Variants in ABR observed in about 807,000 individuals in gnomAD.
The protein encoded by ABR is ABR activator of RhoGEF and GTPase, also known as active breakpoint cluster region-related protein.
ABR carries 35 observed loss-of-function variants against 107.2 expected under a neutral mutation model. The observed-to-expected ratio is 0.33, with a 90% CI of 0.25 to 0.43. The LOEUF (loss-of-function observed/expected upper bound fraction) is 0.43. Among genes scored for constraint, ABR ranks in the 20% least tolerant of loss-of-function variants. ABR has a pLI of 1.00. For synonymous variants in ABR, 498 were observed against 462.0 expected (o/e 1.08, Z -1.00); for missense variants, 815 against 1,115.2 (o/e 0.73, Z 3.83).
At chr17:1,163,220 G>A (rs1042847668) in intron 1 of ABR, among the ~76,000 whole-genome samples, 88 of 152,342 alleles carry the variant, frequency 5.8e-4, no homozygotes, top group Admixed American at 4.6e-4. Flanking sequence ...AACAGTGTAG[G>A]ACACACAGCA....
At chr17:1,090,760 C>T (rs1458389430) in intron 4 of ABR, among the ~76,000 whole-genome samples, 1 of 152,206 alleles carries the variant, frequency 6.6e-6, no homozygotes, top group African/African-American at 2.4e-5. Context: ...TCCAGCCTCT[C>T]ACACCCAGAG....
intron 16 of ABR, among the ~76,000 whole-genome samples, chr17:1,014,382 A>C (rs555510364): frequency 2.1e-5 from 3 of 142,374 alleles, no homozygotes; most frequent in East Asian, 2.2e-4. Flanking sequence ...CAGAGCTTGC[A>C]GTGAGCCGAG....
chr17:1,058,805 C>T lies in ABR; in HGVS notation c.1245G>A (p.Glu415=). 6.2e-7 allele frequency: 1 copy of T among 1,614,078 alleles called. No homozygotes were observed. Among genetic ancestry groups the T allele is most frequent in the Non-Finnish European group, 8.5e-7 (1 of 1,180,020 alleles). ...TGGGGGAGTTGAGCAGCAGCAGGAA[C>T]TCATTCTCAAACATCTTCTTCTTCA... is the stretch of plus-strand genomic sequence containing the variant. The part of the protein sequence containing the change: ...ERLKKKMFEN[E]FLLLLNSPTI... The change falls in exon 11 of 23, where the codon GAG becomes GAA. Residue 415 remains glutamate, a synonymous_variant. Coordinates refer to ENST00000302538, the MANE Select transcript of ABR (RefSeq NM_021962.5).
chr17:1,223,280 TCAAA>T (rs974690041), intron 1 of ABR, among the ~76,000 whole-genome samples: 6 of 145,070 alleles, frequency 4.1e-5, no homozygotes, highest in South Asian at 4.4e-4. Context: ...AGACTCCATC[TCAAA>T]CAAACAAAAA....
intron 16 of ABR, 132 bp from the exon 17 acceptor site, chr17:1,013,296 T>C (rs746412503): frequency 7.3e-5 from 67 of 912,416 alleles, no homozygotes; most frequent in Non-Finnish European, 1.0e-4. Flanking sequence ...GATAAGCTGA[T>C]GTTTACCTGG....
chr17:1,156,599 A>G (rs2041053190), intron 1 of ABR, among the ~76,000 whole-genome samples: 1 of 151,858 alleles, frequency 6.6e-6, no homozygotes, highest in African/African-American at 2.4e-5. Flanking sequence ...CAGGAGAATC[A>G]CCTGAACCCG....
intron 2 of ABR, among the ~76,000 whole-genome samples, chr17:1,116,770 G>A (rs973270359): frequency 2.0e-5 from 3 of 152,212 alleles, no homozygotes; most frequent in East Asian, 1.9e-4. Context: ...GACTTGGGTG[G>A]CAGGGCAGCC....
At chr17:1,228,447 C>CA (rs1254599613) in intron 1 of ABR, 2 of 152,644 alleles carry the variant, frequency 1.3e-5, no homozygotes, top group African/African-American at 4.8e-5. Context: ...AGAAGGGTGA[C>CA]AGCACCCGGT....
intron 18 of ABR, chr17:1,012,238 C>T (rs539993519): frequency 2.9e-6 from 2 of 682,818 alleles, no homozygotes; most frequent in African/African-American, 3.5e-5. Flanking sequence ...GGCCGAGACT[C>T]TAGGGAAAGA....
intron 6 of ABR, among the ~76,000 whole-genome samples, chr17:1,077,343 A>G (rs1437021002): frequency 1.3e-5 from 2 of 152,212 alleles, no homozygotes; most frequent in Admixed American, 6.5e-5. Context: ...CGTGAACTCC[A>G]GGTCCCAGGT....
At chr17:1,171,398 A>C (rs1233785991) in intron 1 of ABR, among the ~76,000 whole-genome samples, 1 of 152,182 alleles carries the variant, frequency 6.6e-6, no homozygotes, top group Non-Finnish European at 1.5e-5. Flanking sequence ...TCCCTGCTCA[A>C]TACCAGGCTT....
intron 1 of ABR, among the ~76,000 whole-genome samples, chr17:1,221,165 G>GT (rs1402426388): frequency 1.3e-5 from 2 of 152,246 alleles, no homozygotes; most frequent in Middle Eastern, 3.4e-3. Flanking sequence ...ATTTTTCCTT[G>GT]TAACAGAGCC....
chr17:1,178,809 A>G (rs2042009557), intron 1 of ABR, among the ~76,000 whole-genome samples: 1 of 142,264 alleles, frequency 7.0e-6, no homozygotes, highest in African/African-American at 2.6e-5. Context: ...AAGGGTGGGG[A>G]GAAGGGGCGG....
Position 1,091,824 on chromosome 17 carries a change from G to A in ABR, c.372C>T (p.Ala124=), listed in dbSNP as rs1012320661. Residue 124 remains alanine, a synonymous_variant, in exon 4 of 23, where the codon GCC becomes GCT. Coordinates refer to ENST00000302538, the MANE Select transcript of ABR (RefSeq NM_021962.5). ...LLPMKPLKAT[A]TTSQPVLTIQ... ...TGGTGAGCACGGGCTGGGAGGTGGT[G>A]GCGGTGGCCTTCAGGGGTTTCATGG... 6 of 1,613,726 alleles carry A rather than the reference G, an allele frequency of 3.7e-6. No homozygotes were observed. In the Admixed American group the frequency reaches 6.7e-5, roughly 18 times the overall value.
chr17:1,011,645 T>G lies in ABR; in HGVS notation c.2101+201A>C. The G allele has an allele frequency of 1.9e-6, 1 of 531,668 alleles. No individual in the cohort carries two copies. Among genetic ancestry groups the G allele is most frequent in the Non-Finnish European group, 3.0e-6 (1 of 337,566 alleles). The allele number at this position is 531,668 out of a possible 1,614,324, so 32.9% of individuals were successfully genotyped here. On this transcript the variant is annotated intron_variant, in intron 19 of 22. Coordinates refer to ENST00000302538, the MANE Select transcript of ABR (RefSeq NM_021962.5). This position sits in a 1 kb window ranked among gnomAD's most constrained non-coding sequence, Gnocchi z 4.8. ...GGGCAAGTGAGTCGGCCCTTGTGAGTTTCTGCAGTTGCTTACCTGCAGCAA... is the reference window on the plus strand; with the variant it reads ...GGGCAAGTGAGTCGGCCCTTGTGAGGTTCTGCAGTTGCTTACCTGCAGCAA...
chr17:1,007,208 A>C lies in ABR; in HGVS notation c.2447T>G (p.Leu816Arg). Residue 816 changes from leucine (L) to arginine (R), a missense_variant, in exon 22 of 23, where the codon CTC (leucine) becomes CGC (arginine). Physicochemically the swap from Leu to Arg is moderately radical, Grantham distance 102. Coordinates refer to ENST00000302538, the MANE Select transcript of ABR (RefSeq NM_021962.5). ...RPSEVESKAH[L>R]TSAADIWSHD... Reference sequence around the variant, plus strand: ...GGACCAGATGTCCGCAGCCGAGGTGAGGTGTGCTTTGCTCTCCACTTCTGA... The same window carrying C: ...GGACCAGATGTCCGCAGCCGAGGTGCGGTGTGCTTTGCTCTCCACTTCTGA... 1 of 1,613,978 alleles carries C rather than the reference A, an allele frequency of 6.2e-7. No individual in the cohort carries two copies. Among genetic ancestry groups the C allele is most frequent in the Non-Finnish European group, 8.5e-7 (1 of 1,179,974 alleles).
intron 18 of ABR, 93 bp downstream of exon 18, chr17:1,012,595 A>G: frequency 1.1e-6 from 1 of 913,292 alleles, no homozygotes; most frequent in Non-Finnish European, 1.7e-6. Flanking sequence ...ATTAGGTGCC[A>G]GGATGGGCAC....
intron 1 of ABR, chr17:1,228,310 G>T (rs1200839683): frequency 6.6e-6 from 1 of 152,460 alleles, no homozygotes; most frequent in Non-Finnish European, 1.5e-5. Context: ...TGGAGAAGAG[G>T]AGACTAAGTT....
At chr17:1,048,902 C>T (rs1175401169) in intron 16 of ABR, among the ~76,000 whole-genome samples, 3 of 152,120 alleles carry the variant, frequency 2.0e-5, no homozygotes, top group African/African-American at 7.3e-5. Flanking sequence ...GGTCAGTTAC[C>T]GTCTCCCTTC....
Sources: allele counts gnomAD v4.1 joint callset (sites outside exome capture counted in the v4.1 genomes callset), GRCh38; gene constraint gnomAD v4.1.1; non-coding constraint Gnocchi (gnomAD v3.1); transcripts MANE v1.5; gene names NCBI Gene and HGNC (gene_info 2026-07-23, HGNC 2026-07-21).